PRLR: variants seen among roughly 807,000 people sequenced by gnomAD.
PRLR encodes prolactin receptor, also known as hPRL receptor.
In PRLR, 13 loss-of-function variants were observed where a neutral mutation model predicts 40.2. The observed-to-expected ratio is 0.32, with a 90% CI of 0.21 to 0.51. PRLR has a LOEUF of 0.51. Among genes scored for constraint, PRLR ranks in the 20% least tolerant of loss-of-function variants. The pLI is 0.97. For synonymous variants in PRLR, 269 were observed against 278.7 expected (o/e 0.97, Z 0.35); for missense variants, 656 against 747.3 (o/e 0.88, Z 1.42).
chr5:35,144,990 A>G (rs558131375), intron 1 of PRLR, among the ~76,000 whole-genome samples: 1 of 152,326 alleles, frequency 6.6e-6, no homozygotes, highest in South Asian at 2.1e-4. Flanking sequence ...CATATTATTT[A>G]CCAGGGTGGT....
chr5:35,084,630 G>A lies in PRLR; in HGVS notation c.213C>T (p.Leu71=). ...TTATGTAGTCTGGACATTCATGCAT[G>A]AGTGTCTCTCTGCAATAAGTAATGT... ...SLTYHREGET[L]MHECPDYITG... is the part of the protein sequence containing the mutation. Residue 71 remains leucine, a synonymous_variant, in exon 5 of 10, where the codon CTC becomes CTT. Transcript: ENST00000618457. 1 of 1,609,590 alleles carries A rather than the reference G, an allele frequency of 6.2e-7. No individual in the cohort carries two copies. Among genetic ancestry groups the A allele is most frequent in the Non-Finnish European group, 8.5e-7 (1 of 1,178,392 alleles).
intron 1 of PRLR, among the ~76,000 whole-genome samples, chr5:35,150,260 C>T (rs775042152): frequency 1.3e-5 from 2 of 152,198 alleles, no homozygotes; most frequent in Non-Finnish European, 2.9e-5. Flanking sequence ...TTTCTTACCA[C>T]AGAGTGAGGA....
At chr5:35,221,359 G>C (rs7732165) in intron 1 of PRLR, among the ~76,000 whole-genome samples, 17,746 of 152,218 alleles carry the variant, frequency 0.12, 1,148 homozygotes, top group Middle Eastern at 0.16. Context: ...TTCTGGCAAT[G>C]TGATTTCTAA....
intron 5 of PRLR, among the ~76,000 whole-genome samples, chr5:35,077,941 C>T (rs946236720): frequency 2.6e-5 from 4 of 152,202 alleles, no homozygotes; most frequent in African/African-American, 9.7e-5. Context: ...GAACAACCTG[C>T]TCCTGAATCA....
chr5:35,063,132 T>C lies in PRLR; in HGVS notation c.*1957A>G, dbSNP rs1398866274. 6.6e-6 allele frequency: 1 copy of C among 152,210 alleles called. No individual in the cohort carries two copies. The highest frequency in any genetic ancestry group is 6.5e-5 in the Admixed American group (1 of 15,274). The allele number at this position is 152,210 out of a possible 1,614,324, so 9.4% of individuals were successfully genotyped here. ...AGTTGGTTCTCAGACAGTTAAAGTA[T>C]CGAGGATTTAGGGGACTGAATGAGC... is the stretch of plus-strand genomic sequence containing the variant. On this transcript the variant is annotated 3_prime_UTR_variant, in exon 10 of 10. Coordinates refer to ENST00000618457, the MANE Select transcript of PRLR (RefSeq NM_000949.7).
chr5:35,208,475 C>T (rs1776080171), intron 1 of PRLR, among the ~76,000 whole-genome samples: 1 of 152,114 alleles, frequency 6.6e-6, no homozygotes, highest in African/African-American at 2.4e-5. Context: ...CTCTAAGTGG[C>T]AAAACCACCT....
intron 1 of PRLR, among the ~76,000 whole-genome samples, chr5:35,133,425 T>C (rs140925398): frequency 1.3e-5 from 2 of 152,280 alleles, no homozygotes; most frequent in Non-Finnish European, 2.9e-5. Flanking sequence ...CAAAGCAGAA[T>C]TGTAACCCAC....
chr5:35,116,503 C>T (rs1330783090), intron 2 of PRLR, among the ~76,000 whole-genome samples: 1 of 152,218 alleles, frequency 6.6e-6, no homozygotes, highest in East Asian at 1.9e-4. Context: ...CCAAATTTTC[C>T]GGGAGCTTTG....
downstream of PRLR, among the ~76,000 whole-genome samples, chr5:35,055,065 A>G (rs550888087): frequency 5.3e-5 from 8 of 152,332 alleles, no homozygotes; most frequent in African/African-American, 1.4e-4. Flanking sequence ...GTTTTTCTAT[A>G]TATGTTCAAG....
At chr5:35,145,598 C>T (rs1774161801) in intron 1 of PRLR, among the ~76,000 whole-genome samples, 1 of 152,170 alleles carries the variant, frequency 6.6e-6, no homozygotes, top group Non-Finnish European at 1.5e-5. Context: ...TATGTACACA[C>T]CACCATTGTT....
Position 35,060,009 on chromosome 5 carries a change from A to T in PRLR, c.*5080T>A, listed in dbSNP as rs1410175401. Reference sequence around the variant, plus strand: ...TCACCATGGCTGGCTAATTTTTAAAATTTTTGTAGAGACTGGGTCTTACTA... The same window carrying T: ...TCACCATGGCTGGCTAATTTTTAAATTTTTTGTAGAGACTGGGTCTTACTA... On this transcript the variant is annotated 3_prime_UTR_variant, in exon 10 of 10. Transcript: ENST00000618457. 3 of 152,186 alleles carry T rather than the reference A, an allele frequency of 2.0e-5. No individual in the cohort carries two copies. The allele number at this position is 152,186 out of a possible 1,614,324, so 9.4% of individuals were successfully genotyped here. A position where few individuals can be genotyped will look rare whatever the true frequency, so the allele number is the denominator to read the frequency against.
In PRLR at chr5:35,056,952, A is replaced by G. The variant is rs1768759394; in HGVS notation, c.*8137T>C. Reference sequence around the variant, plus strand: ...CATTTCACAATTCTGGAACACGGACATGAACAGTAAGTGAAACTTTCTAGG... The same window carrying G: ...CATTTCACAATTCTGGAACACGGACGTGAACAGTAAGTGAAACTTTCTAGG... On this transcript the variant is annotated 3_prime_UTR_variant, in exon 10 of 10. Transcript: ENST00000618457. 6.6e-6 allele frequency: 1 copy of G among 152,238 alleles called. No homozygotes were observed. 9.4% of individuals were successfully genotyped at this position (152,238 alleles called of 1,614,324 possible).
At position 35,066,074 on chromosome 5, in the gene PRLR, G is replaced by A. The variant is rs565387396; in HGVS notation, c.884C>T (p.Ala295Val). ...EKGKSEELLSALGCQDFPPTS... is the reference protein window; with the variant it reads ...EKGKSEELLSVLGCQDFPPTS... ...GGGAGGAAAGTCTTGGCATCCCAAG[G>A]CACTCAGTAGTTCTTCAGACTTGCC... Residue 295 changes from alanine to valine, a missense_variant, in exon 10 of 10, where the codon GCC becomes GTC. Ala to Val is a moderately conservative substitution (Grantham distance 64). Around this residue, in one of 3 missense-constraint regions of PRLR, gnomAD observed 469 missense variants for 491.5 expected, o/e 0.95. Transcript: ENST00000618457. 61 of 1,613,930 alleles carry A rather than the reference G, an allele frequency of 3.8e-5. 1 individual carries two copies. In the South Asian group the frequency reaches 5.9e-4, roughly 16 times the overall value.
intron 1 of PRLR, among the ~76,000 whole-genome samples, chr5:35,185,677 A>T (rs1775406557): frequency 6.6e-6 from 1 of 152,212 alleles, no homozygotes; most frequent in Non-Finnish European, 1.5e-5. Context: ...CAGTCACATT[A>T]GTAGAAGGCA....
intron 1 of PRLR, among the ~76,000 whole-genome samples, chr5:35,227,697 T>C (rs1776586048): frequency 6.6e-6 from 1 of 152,182 alleles, no homozygotes. Flanking sequence ...CCACTTGCAA[T>C]GGAGGCACCA....
intron 5 of PRLR, among the ~76,000 whole-genome samples, chr5:35,077,599 A>G (rs973704258): frequency 2.0e-5 from 3 of 152,176 alleles, no homozygotes; most frequent in Admixed American, 6.5e-5. Context: ...CCACACAATA[A>G]TAATGGGAGA....
intron 5 of PRLR, among the ~76,000 whole-genome samples, chr5:35,078,396 G>C (rs571918409): frequency 7.2e-5 from 11 of 151,994 alleles, no homozygotes; most frequent in African/African-American, 2.6e-4. Flanking sequence ...CACAGAAATA[G>C]AAACTACCAT....
chr5:35,171,990 C>T (rs535243675), intron 1 of PRLR, among the ~76,000 whole-genome samples: 2 of 152,262 alleles, frequency 1.3e-5, no homozygotes, highest in East Asian at 1.9e-4. Flanking sequence ...CAGTCACAGC[C>T]CTCAGGTTGT....
rs1348515221 is a variant in PRLR at position 35,058,544 on chromosome 5, GAATCTTTCTTCTAGACAA to G, written c.*6527_*6544del. On this transcript the variant is annotated 3_prime_UTR_variant, in exon 10 of 10. Transcript: ENST00000618457. Reference sequence around the variant, plus strand: ...GAGCAGCTGTACAATGAATGACATAGAATCTTTCTTCTAGACAAAGATTAGGAAAAAATTAGTACATTC... The same window carrying G: ...GAGCAGCTGTACAATGAATGACATAGAGATTAGGAAAAAATTAGTACATTC... 1 of 152,116 alleles carries G rather than the reference GAATCTTTCTTCTAGACAA, an allele frequency of 6.6e-6. No homozygotes were observed. The highest frequency in any genetic ancestry group is 1.5e-5 in the Non-Finnish European group (1 of 67,994). The allele number at this position is 152,116 out of a possible 1,614,324, so 9.4% of individuals were successfully genotyped here.
Sources: gnomAD v4.1 joint callset for allele counts (sites outside exome capture counted in the v4.1 genomes callset) on GRCh38, gnomAD v4.1.1 for gene constraint, gnomAD v4.1.1 regional missense constraint, MANE v1.5 for transcripts, NCBI Gene and HGNC (gene_info 2026-07-23, HGNC 2026-07-21) for gene names.